SPATA17: variants seen among roughly 807,000 people sequenced by gnomAD.
SPATA17 encodes the protein spermatogenesis associated 17.
Under a neutral mutation model 62.2 loss-of-function variants are expected in SPATA17, and 53 were observed. The observed-to-expected ratio is 0.85, with a 90% CI of 0.68 to 1.07. SPATA17 has a LOEUF of 1.07. Ranked by LOEUF, SPATA17 falls within the 50% of genes least tolerant of loss-of-function variation. The probability of loss-of-function intolerance (pLI) is 0.00; values close to 1 mark genes in which losing one functional copy is unlikely to be tolerated. For missense variants in SPATA17, 466 were observed against 425.5 expected (o/e 1.10, Z -0.84); for synonymous variants, 146 against 146.8 (o/e 0.99, Z 0.04).
intron 3 of SPATA17, among the ~76,000 whole-genome samples, chr1:217,667,809 C>T (rs368297195): frequency 9.9e-5 from 15 of 152,256 alleles, no homozygotes; most frequent in African/African-American, 2.6e-4. Context: ...TTTAAATCAC[C>T]TCAAACACCA....
At chr1:217,657,687 A>T (rs184172837) in intron 3 of SPATA17, among the ~76,000 whole-genome samples, 44 of 152,010 alleles carry the variant, frequency 2.9e-4, no homozygotes, top group African/African-American at 9.2e-4. Flanking sequence ...GGTGTAGAAC[A>T]GTCATTTTAA....
intron 6 of SPATA17, among the ~76,000 whole-genome samples, chr1:217,753,395 G>A (rs1672962390): frequency 6.6e-6 from 1 of 151,972 alleles, no homozygotes; most frequent in African/African-American, 2.4e-5. Flanking sequence ...AGACAATTAA[G>A]TAAACCTTAT....
intron 3 of SPATA17, among the ~76,000 whole-genome samples, chr1:217,656,654 A>G (rs1670451506): frequency 6.6e-6 from 1 of 152,228 alleles, no homozygotes; most frequent in Non-Finnish European, 1.5e-5. Context: ...GAATCTTAAT[A>G]AATAATTATG....
chr1:217,731,110 T>C (rs1272649572), intron 5 of SPATA17, among the ~76,000 whole-genome samples: 1 of 152,176 alleles, frequency 6.6e-6, no homozygotes, highest in Non-Finnish European at 1.5e-5. Context: ...TGGTTTCCTT[T>C]CTCCATTTCT....
intron 5 of SPATA17, among the ~76,000 whole-genome samples, chr1:217,706,925 G>A (rs975883043): frequency 6.6e-6 from 1 of 150,922 alleles, no homozygotes; most frequent in South Asian, 2.1e-4. Flanking sequence ...GGAGTGCAAT[G>A]GCACAATCTT....
intron 5 of SPATA17, among the ~76,000 whole-genome samples, chr1:217,687,709 T>A (rs1249679710): frequency 6.6e-6 from 1 of 152,210 alleles, no homozygotes; most frequent in Non-Finnish European, 1.5e-5. Flanking sequence ...GTATGCACGA[T>A]GATGAAATTG....
chr1:217,801,078 T>C (rs1674298902), intron 8 of SPATA17, among the ~76,000 whole-genome samples: 1 of 152,220 alleles, frequency 6.6e-6, no homozygotes, highest in Non-Finnish European at 1.5e-5. Flanking sequence ...ACATTATTTA[T>C]TGGACACATT....
rs1211769058 is a variant in SPATA17 at position 217,802,075 on chromosome 1, G to C, written c.1005+225G>C. ...CTTAGCTATAACTTAGCTGCCCTAG[G>C]ATCAAAGGCATGGATCATTGGCTTT... On this transcript the variant is annotated intron_variant, in intron 9 of 10. Coordinates refer to ENST00000366933, the MANE Select transcript of SPATA17 (RefSeq NM_138796.4). Among the ~76,000 whole-genome samples the C allele has an allele frequency of 2.6e-5, 4 of 151,794 alleles. 1 individual carries two copies. The highest frequency in any genetic ancestry group is 9.7e-5 in the African/African-American group (4 of 41,304).
intron 1 of SPATA17, among the ~76,000 whole-genome samples, chr1:217,637,246 C>T (rs1171098487): frequency 1.3e-5 from 2 of 152,092 alleles, no homozygotes; most frequent in East Asian, 3.9e-4. Flanking sequence ...TCCTGGGTTA[C>T]AACGAAGGAA....
chr1:217,797,359 C>T (rs780136186), intron 8 of SPATA17, among the ~76,000 whole-genome samples: 3 of 151,238 alleles, frequency 2.0e-5, no homozygotes, highest in Non-Finnish European at 4.4e-5. Flanking sequence ...AGATGATTCT[C>T]CTGCCTTAGC....
chr1:217,815,775 T>C (rs990789287), intron 9 of SPATA17, among the ~76,000 whole-genome samples: 2 of 152,168 alleles, frequency 1.3e-5, no homozygotes, highest in African/African-American at 4.8e-5. Flanking sequence ...GACTGCAACA[T>C]CAATTCCTGT....
At chr1:217,700,435 TGATA>T (rs753952917) in intron 5 of SPATA17, among the ~76,000 whole-genome samples, 1 of 152,212 alleles carries the variant, frequency 6.6e-6, no homozygotes, top group African/African-American at 2.4e-5. Context: ...TTTTTAGTTC[TGATA>T]GATATCTTAT....
rs184314090 is a variant in SPATA17 at position 217,640,414 on chromosome 1, C to T, written c.69-8468C>T. On this transcript the variant is annotated intron_variant, in intron 1 of 10. Coordinates refer to ENST00000366933, the MANE Select transcript of SPATA17 (RefSeq NM_138796.4). ...GTTCGCAGGATGCAAGGGCAGTATACAGTAGTCTTTACATAACAGCAATGG... is the reference window on the plus strand; with the variant it reads ...GTTCGCAGGATGCAAGGGCAGTATATAGTAGTCTTTACATAACAGCAATGG... Among the ~76,000 whole-genome samples, 216 of 152,178 alleles carry T rather than the reference C, an allele frequency of 1.4e-3. 2 individuals carry two copies. The highest frequency in any genetic ancestry group is 1.9e-3 in the Non-Finnish European group (128 of 67,966).
intron 5 of SPATA17, among the ~76,000 whole-genome samples, chr1:217,728,981 G>A (rs61825782): frequency 0.2 from 31,079 of 151,990 alleles, 3,323 homozygotes; most frequent in Middle Eastern, 0.26. Flanking sequence ...ATAATTCTGT[G>A]GCAAGAGTTT....
At chr1:217,865,037 T>C (rs1332226845) in intron 10 of SPATA17, among the ~76,000 whole-genome samples, 1 of 152,188 alleles carries the variant, frequency 6.6e-6, no homozygotes, top group East Asian at 1.9e-4. Flanking sequence ...TCTCCTTTTC[T>C]TTGATAGGAA....
chr1:217,856,168 A>T (rs1675781808), intron 9 of SPATA17, among the ~76,000 whole-genome samples: 1 of 152,142 alleles, frequency 6.6e-6, no homozygotes, highest in Non-Finnish European at 1.5e-5. Flanking sequence ...AATATAAATG[A>T]CCTTTGATTA....
chr1:217,749,631 G>A (rs929790083), intron 6 of SPATA17, among the ~76,000 whole-genome samples: 2 of 151,684 alleles, frequency 1.3e-5, no homozygotes, highest in East Asian at 1.9e-4. Context: ...TTTATTTCCT[G>A]AACCCTGAGA....
intron 9 of SPATA17, among the ~76,000 whole-genome samples, chr1:217,852,165 A>C (rs556646826): frequency 1.3e-5 from 2 of 152,308 alleles, no homozygotes; most frequent in African/African-American, 4.8e-5. Flanking sequence ...TGACATTGAC[A>C]AAAGTTAGTT....
Position 217,774,370 on chromosome 1 carries a change from C to A in SPATA17, c.556C>A (p.Pro186Thr), listed in dbSNP as rs138799092. The A allele has an allele frequency of 6.2e-7, 1 of 1,613,876 alleles. No individual in the cohort carries two copies. The highest frequency in any genetic ancestry group is 1.3e-5 in the African/African-American group (1 of 74,916). The part of the protein sequence containing the change: ...GIYNSPFRKE[P>T]DPWELQLQKA... Reference sequence around the variant, plus strand: ...ATACAATTCACCCTTCAGAAAAGAGCCTGATCCATGGGAGCTGCAATTACA... The same window carrying A: ...ATACAATTCACCCTTCAGAAAAGAGACTGATCCATGGGAGCTGCAATTACA... Residue 186 changes from proline (P) to threonine (T), a missense_variant, in exon 7 of 11, where the codon CCT becomes ACT. Physicochemically the swap from Pro to Thr is conservative, Grantham distance 38. Transcript: ENST00000366933.
Sources: allele counts gnomAD v4.1 joint callset (sites outside exome capture counted in the v4.1 genomes callset), GRCh38; gene constraint gnomAD v4.1.1; transcripts MANE v1.5; gene names NCBI Gene and HGNC (gene_info 2026-07-23, HGNC 2026-07-21).